The following SFMBT2 variants were observed in gnomAD, a reference collection of about 807,000 sequenced individuals.
SFMBT2 encodes scm-like with four MBT domains protein 2.
A neutral mutation model predicts 110.1 loss-of-function variants in SFMBT2; 38 were observed. That is an observed-to-expected ratio of 0.35 (90% CI 0.27 to 0.45). The LOEUF is 0.45. SFMBT2 is among the 20% of genes least tolerant of loss of function. The pLI is 1.00. For missense variants in SFMBT2, 1,011 were observed against 1,094.9 expected (o/e 0.92, Z 1.08); for synonymous variants, 425 against 425.4 (o/e 1.00, Z 0.01).
At chr10:7,187,237 A>T (rs1179962695) in intron 16 of SFMBT2, among the ~76,000 whole-genome samples, 1 of 152,204 alleles carries the variant, frequency 6.6e-6, no homozygotes, top group Non-Finnish European at 1.5e-5. Context: ...GACTGTATTG[A>T]ATTTTGCAGA....
chr10:7,370,799 T>C, intron 2 of SFMBT2: 1 of 978,914 alleles, frequency 1.0e-6, no homozygotes, highest in South Asian at 4.7e-5. Flanking sequence ...AGAACAGCAC[T>C]AATTGTTATA....
intron 4 of SFMBT2, among the ~76,000 whole-genome samples, chr10:7,290,261 C>CAA (rs200965592): frequency 1.8e-5 from 2 of 110,924 alleles, no homozygotes; most frequent in African/African-American, 3.0e-5. Context: ...TCATAAGAAA[C>CAA]AAAAAAAAAA....
intron 16 of SFMBT2, among the ~76,000 whole-genome samples, chr10:7,179,906 T>C (rs911111871): frequency 7.2e-5 from 11 of 152,246 alleles, no homozygotes; most frequent in East Asian, 1.9e-4. Context: ...AGTTATAGCA[T>C]CATTTAAAAA....
intron 13 of SFMBT2, among the ~76,000 whole-genome samples, chr10:7,201,199 G>A (rs1274974511): frequency 6.6e-6 from 1 of 152,218 alleles, no homozygotes; most frequent in Non-Finnish European, 1.5e-5. Context: ...CATCTATGGA[G>A]TGGTTCTCCA....
intron 11 of SFMBT2, among the ~76,000 whole-genome samples, chr10:7,210,307 G>A (rs2497446): frequency 0.19 from 29,177 of 152,038 alleles, 3,635 homozygotes; most frequent in African/African-American, 0.35. Flanking sequence ...TAGGAACACA[G>A]TTCTATCAAA....
intron 13 of SFMBT2, among the ~76,000 whole-genome samples, chr10:7,201,386 A>T (rs905525483): frequency 6.6e-6 from 1 of 152,218 alleles, no homozygotes; most frequent in African/African-American, 2.4e-5. Context: ...CCGTTAATCC[A>T]CGGGCTGTGC....
intron 7 of SFMBT2, among the ~76,000 whole-genome samples, chr10:7,256,928 C>G (rs371387440): frequency 2.6e-5 from 4 of 152,020 alleles, no homozygotes; most frequent in Non-Finnish European, 5.9e-5. Flanking sequence ...CCCATCTCTA[C>G]TAAAAATATA....
intron 4 of SFMBT2, among the ~76,000 whole-genome samples, chr10:7,288,217 C>T (rs916794068): frequency 1.1e-4 from 16 of 152,142 alleles, no homozygotes; most frequent in African/African-American, 4.8e-5. Context: ...AGTCAACATC[C>T]GCCCACGCAC....
rs1288281372 is a variant in SFMBT2 at position 7,162,028 on chromosome 10, G to A, written c.*1742C>T. The A allele has an allele frequency of 3.3e-5, 5 of 152,306 alleles. No homozygotes were observed. The South Asian group carries it at 6.2e-4, about 19-fold the overall frequency. 9.4% of individuals were successfully genotyped at this position (152,306 alleles called of 1,614,324 possible). Reference sequence around the variant, plus strand: ...TTGCATAAGTTTAAGAAGGCATCTTGGCAGCCACCACAGCGGAACACTGTA... The same window carrying A: ...TTGCATAAGTTTAAGAAGGCATCTTAGCAGCCACCACAGCGGAACACTGTA... On this transcript the variant is annotated 3_prime_UTR_variant, in exon 21 of 21. Coordinates refer to ENST00000397167, the MANE Select transcript of SFMBT2 (RefSeq NM_001387889.1).
intron 11 of SFMBT2, chr10:7,206,518 G>T (rs1018706883): frequency 3.6e-5 from 35 of 985,256 alleles, no homozygotes; most frequent in Non-Finnish European, 4.2e-5. Context: ...TCAGTTTGGA[G>T]TTACTTTGTT....
chr10:7,348,185 T>G, intron 4 of SFMBT2: 2 of 825,410 alleles, frequency 2.4e-6, no homozygotes, highest in Non-Finnish European at 3.5e-6. Context: ...TTTCAAAGGG[T>G]TTGGGTTGGT....
chr10:7,353,272 G>A (rs1472667172), intron 4 of SFMBT2, among the ~76,000 whole-genome samples: 2 of 152,156 alleles, frequency 1.3e-5, no homozygotes, highest in Non-Finnish European at 2.9e-5. Flanking sequence ...CAACAGTAAT[G>A]TGGTGATACA....
At chr10:7,369,296 A>T (rs1465039370) in intron 3 of SFMBT2, among the ~76,000 whole-genome samples, 1 of 152,248 alleles carries the variant, frequency 6.6e-6, no homozygotes, top group African/African-American at 2.4e-5. Context: ...CCCTGCATGG[A>T]CAAAGTGAAA....
intron 9 of SFMBT2, among the ~76,000 whole-genome samples, chr10:7,232,186 G>A (rs1314609323): frequency 1.3e-5 from 2 of 152,038 alleles, no homozygotes; most frequent in African/African-American, 4.8e-5. Flanking sequence ...GGTCCAAAAG[G>A]GAAGAGGTTG....
At chr10:7,287,182 C>CCA (rs1411113812) in intron 4 of SFMBT2, among the ~76,000 whole-genome samples, 1 of 151,022 alleles carries the variant, frequency 6.6e-6, no homozygotes. Context: ...CAGGTTCACG[C>CCA]CATTCTCCTG....
chr10:7,315,663 C>T (rs557137149), intron 4 of SFMBT2, among the ~76,000 whole-genome samples: 1 of 152,334 alleles, frequency 6.6e-6, no homozygotes, highest in South Asian at 2.1e-4. Flanking sequence ...CACCATCCTA[C>T]AGGTTTTGTG....
intron 7 of SFMBT2, among the ~76,000 whole-genome samples, chr10:7,254,692 G>A (rs1986016): frequency 6.6e-6 from 1 of 151,772 alleles, no homozygotes; most frequent in Non-Finnish European, 1.5e-5. Flanking sequence ...GCTGGGCATG[G>A]TGGTGCACAC....
chr10:7,356,017 C>T (rs1361964804), intron 4 of SFMBT2, among the ~76,000 whole-genome samples: 1 of 152,212 alleles, frequency 6.6e-6, no homozygotes, highest in African/African-American at 2.4e-5. Flanking sequence ...GGCAACACCA[C>T]AACTCACAAA....
chr10:7,210,524 C>T (rs1219906799), intron 11 of SFMBT2, among the ~76,000 whole-genome samples: 1 of 152,184 alleles, frequency 6.6e-6, no homozygotes, highest in East Asian at 1.9e-4. Flanking sequence ...CAGTTAAAGG[C>T]TGGAATCAGA....
Sources: gnomAD v4.1 joint callset for allele counts (sites outside exome capture counted in the v4.1 genomes callset) on GRCh38, gnomAD v4.1.1 for gene constraint, MANE v1.5 for transcripts, NCBI Gene and HGNC (gene_info 2026-07-23, HGNC 2026-07-21) for gene names.